NDUFS4: variants seen among roughly 807,000 people sequenced by gnomAD.
NDUFS4 encodes NADH dehydrogenase [ubiquinone] iron-sulfur protein 4, mitochondrial.
Under a neutral mutation model 24.3 loss-of-function variants are expected in NDUFS4, and 28 were observed. The observed-to-expected ratio is 1.15, with a 90% CI of 0.85 to 1.58. The LOEUF (loss-of-function observed/expected upper bound fraction) is 1.58. Among genes scored for constraint, NDUFS4 ranks in the 40% most tolerant of loss-of-function variants. The pLI is 0.00. For synonymous variants in NDUFS4, 93 were observed against 69.7 expected (o/e 1.34, Z -1.67); for missense variants, 223 against 207.9 (o/e 1.07, Z -0.45).
At chr5:53,682,985 A>T (rs917884351) in intron 4 of NDUFS4, 133 bp from the exon 5 acceptor site, 1 of 755,438 alleles carries the variant, frequency 1.3e-6, no homozygotes, top group East Asian at 2.5e-5. Flanking sequence ...TATATCTCAG[A>T]TGTGTTGACA....
chr5:53,669,711 C>T (rs1243679920), intron 4 of NDUFS4, among the ~76,000 whole-genome samples: 4 of 152,166 alleles, frequency 2.6e-5, no homozygotes, highest in Admixed American at 6.6e-5. Context: ...ATAGTTCTTA[C>T]ACTCAAACTG....
chr5:53,591,935 TTTGTTG>T lies in NDUFS4; in HGVS notation c.99-11505_99-11500del, dbSNP rs150255009. On this transcript the variant is annotated intron_variant, in intron 1 of 4. Coordinates refer to ENST00000296684, the MANE Select transcript of NDUFS4 (RefSeq NM_002495.4). ...GTTGTTTGTTTTCTTATTGATGAGT[TTTGTTG>T]TTGTTGTTGTTTTGAGACGGGATCT... Among the ~76,000 whole-genome samples, 185 of 152,082 alleles carry T rather than the reference TTTGTTG, an allele frequency of 1.2e-3. 4 individuals carry two copies. In the East Asian group the frequency reaches 0.032, roughly 27 times the overall value.
intron 1 of NDUFS4, among the ~76,000 whole-genome samples, chr5:53,601,044 G>A (rs912869630): frequency 3.7e-5 from 5 of 135,984 alleles, no homozygotes; most frequent in Non-Finnish European, 7.6e-5. Context: ...TTGCTCTGTC[G>A]CCCAGGCTGG....
In NDUFS4 at chr5:53,586,329, CA is replaced by C. The variant is rs539748080; in HGVS notation, c.99-17107del. Among the ~76,000 whole-genome samples the C allele has an allele frequency of 6.9e-3, 482 of 69,896 alleles. 1 individual carries two copies. Among genetic ancestry groups the C allele is most frequent in the South Asian group, 0.023 (48 of 2,080 alleles). The allele number at this position is 69,896 out of a possible 152,430, so 45.9% of individuals were successfully genotyped here. A position where few individuals can be genotyped will look rare whatever the true frequency, so the allele number is the denominator to read the frequency against. ...GGGCGACAAGAGTGAAACTTCATCT[CA>C]AAAAAAAAAAAAAAACAAACCAAAA... is the stretch of plus-strand genomic sequence containing the variant. On this transcript the variant is annotated intron_variant, in intron 1 of 4. Coordinates refer to ENST00000296684, the MANE Select transcript of NDUFS4 (RefSeq NM_002495.4).
intron 1 of NDUFS4, among the ~76,000 whole-genome samples, chr5:53,568,147 CTAGT>C (rs1363706738): frequency 6.6e-6 from 1 of 152,012 alleles, no homozygotes; most frequent in Non-Finnish European, 1.5e-5. Flanking sequence ...TTCTTTAGAA[CTAGT>C]TAGTTGCTCA....
chr5:53,635,736 T>G (rs1384259611), intron 2 of NDUFS4, among the ~76,000 whole-genome samples: 1 of 152,204 alleles, frequency 6.6e-6, no homozygotes, highest in Non-Finnish European at 1.5e-5. Flanking sequence ...TAAGCATATT[T>G]TTCAACGATT....
At chr5:53,616,449 C>T (rs1192558413) in intron 2 of NDUFS4, among the ~76,000 whole-genome samples, 2 of 152,076 alleles carry the variant, frequency 1.3e-5, no homozygotes, top group East Asian at 1.9e-4. Flanking sequence ...GGGCAGTCAA[C>T]GAAACCCACT....
chr5:53,659,678 T>C (rs1207941711), intron 4 of NDUFS4, among the ~76,000 whole-genome samples: 2 of 152,214 alleles, frequency 1.3e-5, no homozygotes, highest in Non-Finnish European at 2.9e-5. Context: ...GCATTGTTAC[T>C]GTAAGGCAGT....
At chr5:53,581,007 A>G (rs1425947571) in intron 1 of NDUFS4, among the ~76,000 whole-genome samples, 1 of 151,966 alleles carries the variant, frequency 6.6e-6, no homozygotes, top group Non-Finnish European at 1.5e-5. Context: ...CTAATTTTGT[A>G]GTTTTAATAG....
intron 4 of NDUFS4, among the ~76,000 whole-genome samples, chr5:53,668,873 T>C (rs1442579727): frequency 6.6e-6 from 1 of 152,158 alleles, no homozygotes; most frequent in Non-Finnish European, 1.5e-5. Flanking sequence ...TGCTAAGTGC[T>C]TTTCATTCTC....
chr5:53,593,152 A>G (rs1750028882), intron 1 of NDUFS4, among the ~76,000 whole-genome samples: 1 of 152,130 alleles, frequency 6.6e-6, no homozygotes, highest in Non-Finnish European at 1.5e-5. Flanking sequence ...ATTCACCAGG[A>G]AACATCTGGA....
intron 2 of NDUFS4, among the ~76,000 whole-genome samples, chr5:53,608,854 T>G (rs939775554): frequency 1.3e-5 from 2 of 152,268 alleles, no homozygotes; most frequent in Non-Finnish European, 2.9e-5. Context: ...AACTCTTGCC[T>G]TTAACAATTG....
chr5:53,660,461 T>C (rs1306873696), intron 4 of NDUFS4, among the ~76,000 whole-genome samples: 1 of 152,112 alleles, frequency 6.6e-6, no homozygotes, highest in African/African-American at 2.4e-5. Flanking sequence ...AGTAAACATA[T>C]GTGTGCATGT....
chr5:53,664,087 T>TA (rs777849524), intron 4 of NDUFS4, among the ~76,000 whole-genome samples: 2 of 152,310 alleles, frequency 1.3e-5, no homozygotes, highest in East Asian at 3.9e-4. Context: ...CTCCTTCACT[T>TA]ATGAAGCTTA....
chr5:53,632,420 T>C (rs1751435632), intron 2 of NDUFS4, among the ~76,000 whole-genome samples: 1 of 152,216 alleles, frequency 6.6e-6, no homozygotes, highest in South Asian at 2.1e-4. Context: ...AAATCTTTAC[T>C]CTGACTTGTT....
At chr5:53,638,204 A>G (rs1044629804) in intron 2 of NDUFS4, among the ~76,000 whole-genome samples, 2 of 152,250 alleles carry the variant, frequency 1.3e-5, no homozygotes, top group South Asian at 4.1e-4. Flanking sequence ...ATCACTTATT[A>G]TTTGACAGTT....
chr5:53,584,829 G>A (rs570435285), intron 1 of NDUFS4, among the ~76,000 whole-genome samples: 3 of 151,696 alleles, frequency 2.0e-5, no homozygotes, highest in East Asian at 3.9e-4. Flanking sequence ...GTGCTGTGGC[G>A]GGATCTCAGC....
intron 2 of NDUFS4, among the ~76,000 whole-genome samples, chr5:53,630,872 C>A (rs1359694229): frequency 2.0e-5 from 3 of 152,124 alleles, no homozygotes; most frequent in Non-Finnish European, 4.4e-5. Context: ...CCTTCTAAAG[C>A]CTACTTCTGT....
rs368136284 is a variant in NDUFS4, at chr5:53,676,513, C to T, written c.425-6605C>T. The stretch of plus-strand genomic sequence containing the variant: ...CACTATAACTCATGCCTAAACAAAG[C>T]GTATCTGAAACACATATTGGCACAT... On this transcript the variant is annotated intron_variant, in intron 4 of 4. Transcript: ENST00000296684. 3.0e-4 allele frequency among the ~76,000 whole-genome samples: 46 copies of T among 152,224 alleles called. No homozygotes were observed. In the South Asian group the frequency reaches 5.8e-3, roughly 19 times the overall value.
Sources: allele counts gnomAD v4.1 joint callset (sites outside exome capture counted in the v4.1 genomes callset), GRCh38; gene constraint gnomAD v4.1.1; transcripts MANE v1.5; gene names NCBI Gene and HGNC (gene_info 2026-07-23, HGNC 2026-07-21).